INTS6L: variants seen among roughly 807,000 people sequenced by gnomAD.
The protein encoded by INTS6L is integrator complex subunit 6-like.
INTS6L carries 18 observed loss-of-function variants against 64.7 expected under a neutral mutation model. That is an observed-to-expected ratio of 0.28 (90% CI 0.19 to 0.41). The LOEUF is 0.41. Ranked by LOEUF, INTS6L falls within the 10% of genes least tolerant of loss-of-function variation. The probability of loss-of-function intolerance (pLI) is 1.00; values close to 1 mark genes in which losing one functional copy is unlikely to be tolerated. For synonymous variants in INTS6L, 227 were observed against 235.9 expected, an observed-to-expected ratio of 0.96 and a Z score of 0.34; for missense variants, 533 against 661.0, an observed-to-expected ratio of 0.81 and a Z score of 2.12.
chrX:135,521,162 T>G, intron 1 of INTS6L, 59 bp downstream of exon 1: 2 of 1,163,460 alleles, frequency 1.7e-6, no homozygotes, highest in African/African-American at 1.9e-5. Context: ...GGGTGTGGAT[T>G]GAGGTGCTTC....
chrX:135,532,055 G>T (rs1193896383), intron 2 of INTS6L, among the ~76,000 whole-genome samples: 2 of 112,054 alleles, frequency 1.8e-5, no homozygotes, highest in Admixed American at 1.9e-4. Context: ...ATGACCTTTC[G>T]TGTTTGATTA....
chrX:135,565,853 C>T (rs1399418937), intron 9 of INTS6L, among the ~76,000 whole-genome samples: 2 of 111,685 alleles, frequency 1.8e-5, no homozygotes, highest in Non-Finnish European at 3.8e-5. Context: ...GGGTCCATGC[C>T]AATCTTGACT....
intron 2 of INTS6L, among the ~76,000 whole-genome samples, chrX:135,537,041 C>T (rs1337045432): frequency 3.6e-5 from 4 of 112,237 alleles, no homozygotes; most frequent in African/African-American, 1.3e-4. Context: ...AGCAACAGGC[C>T]TGCAGAGAGC....
At chrX:135,526,574 C>T (rs1183966666) in intron 2 of INTS6L, among the ~76,000 whole-genome samples, 2 of 111,961 alleles carry the variant, frequency 1.8e-5, no homozygotes, top group Non-Finnish European at 3.8e-5. Context: ...TTTTGTCCGT[C>T]GGCTTTTTCC....
chrX:135,575,032 G>A, intron 13 of INTS6L, 52 bp from the exon 14 acceptor site: 1 of 1,181,922 alleles, frequency 8.5e-7, no homozygotes, highest in Admixed American at 2.3e-5. Context: ...CTTCTCGAAA[G>A]GACCATACGC....
At position 135,581,917 on chromosome X, in the gene INTS6L, A is replaced by C; in HGVS notation, c.*281A>C. The C allele has an allele frequency of 4.3e-6, 1 of 234,765 alleles. No individual in the cohort carries two copies. The highest frequency in any genetic ancestry group is 1.1e-4 in the East Asian group (1 of 8,722). The allele number at this position is 234,765 out of a possible 1,213,427, so 19.3% of individuals were successfully genotyped here. A position where few individuals can be genotyped will look rare whatever the true frequency, so the allele number is the denominator to read the frequency against. On this transcript the variant is annotated 3_prime_UTR_variant, in exon 18 of 18. Transcript: ENST00000639893. The stretch of plus-strand genomic sequence containing the variant: ...TTCGGTAAACACCACTGCCCCTACC[A>C]CGGGTAATGAGAGGTCACTCACTTG...
rs944670442 is a variant in INTS6L at position 135,582,471 on chromosome X, A to G, written c.*835A>G. 3 of 112,732 alleles carry G rather than the reference A, an allele frequency of 2.7e-5. No homozygotes were observed. Among genetic ancestry groups the G allele is most frequent in the Non-Finnish European group, 3.7e-5 (2 of 53,390 alleles). 9.3% of individuals were successfully genotyped at this position (112,732 alleles called of 1,213,427 possible). On this transcript the variant is annotated 3_prime_UTR_variant, in exon 18 of 18. Coordinates refer to ENST00000639893, the MANE Select transcript of INTS6L (RefSeq NM_001351601.3). ...GTGTACAAAGAGATTTTGATTTTGC[A>G]TATATAAAATAAATCATTTTATTGA...
chrX:135,532,316 G>C (rs2085932855), intron 2 of INTS6L, among the ~76,000 whole-genome samples: 1 of 112,526 alleles, frequency 8.9e-6, no homozygotes, highest in Non-Finnish European at 1.9e-5. Flanking sequence ...GCAGAGCAAA[G>C]CTCTCCACTT....
At chrX:135,539,954 C>T (rs1184613961) in intron 2 of INTS6L, among the ~76,000 whole-genome samples, 2 of 111,354 alleles carry the variant, frequency 1.8e-5, no homozygotes, top group African/African-American at 6.6e-5. Context: ...CATAGATCAC[C>T]ATAAAAGATA....
intron 13 of INTS6L, 64 bp from the exon 14 acceptor site, chrX:135,575,020 G>A (rs1556530056): frequency 4.4e-6 from 5 of 1,141,509 alleles, no homozygotes; most frequent in Non-Finnish European, 5.9e-6. Flanking sequence ...CTATGATCAT[G>A]TCTTCTCGAA....
At chrX:135,523,402 C>CAAAAAAAAA (rs782434658) in intron 2 of INTS6L, among the ~76,000 whole-genome samples, 1 of 36,968 alleles carries the variant, frequency 2.7e-5, no homozygotes, top group African/African-American at 1.2e-4. Flanking sequence ...ACTCTGTCGT[C>CAAAAAAAAA]AAAAAAAAAA....
intron 9 of INTS6L, among the ~76,000 whole-genome samples, chrX:135,560,937 C>CTTTTTTTTTTTTTTTTTTTTTTTTT (rs148244479): frequency 1.1e-5 from 1 of 87,462 alleles, no homozygotes; most frequent in Non-Finnish European, 2.2e-5. Context: ...AATGCTCTTT[C>CTTTTTTTTTTTTTTTTTTTTTTTTT]TTTTTTTTTT....
chrX:135,551,295 A>G (rs1556516909), intron 7 of INTS6L, among the ~76,000 whole-genome samples: 2 of 111,703 alleles, frequency 1.8e-5, no homozygotes, highest in African/African-American at 6.5e-5. Flanking sequence ...GTGCTCTCCA[A>G]TCACACAAGC....
At chrX:135,527,174 T>C (rs2085762831) in intron 2 of INTS6L, among the ~76,000 whole-genome samples, 1 of 112,063 alleles carries the variant, frequency 8.9e-6, no homozygotes, top group Non-Finnish European at 1.9e-5. Flanking sequence ...CTTTCTGCAA[T>C]CCATCTCTCC....
rs2085538369 is a variant in INTS6L at position 135,521,261 on chromosome X, C to G, written c.132C>G (p.Ala44=). ...CGCAGCTGCGCGCCCGGGACCCGGC[C>G]AGCCGTGGAGACAGGTACATGCTGG... ...LFLKLRARDP[A]SRGDRYMLVT... Residue 44 remains alanine, a synonymous_variant, in exon 2 of 18, where the codon GCC becomes GCG. Transcript: ENST00000639893. The G allele has an allele frequency of 5.0e-6, 6 of 1,208,920 alleles. No homozygotes were observed. Among genetic ancestry groups the G allele is most frequent in the Non-Finnish European group, 6.7e-6 (6 of 894,205 alleles).
At chrX:135,541,382 C>T (rs1398646450) in intron 2 of INTS6L, among the ~76,000 whole-genome samples, 4 of 112,393 alleles carry the variant, frequency 3.6e-5, no homozygotes, top group African/African-American at 1.3e-4. Flanking sequence ...ATATCCAAGA[C>T]ATTATCATTT....
intron 6 of INTS6L, among the ~76,000 whole-genome samples, chrX:135,548,066 T>TATATAC (rs1410108879): frequency 1.4e-5 from 1 of 73,505 alleles, no homozygotes; most frequent in African/African-American, 4.5e-5. Flanking sequence ...TATATATATA[T>TATATAC]ACACACACAC....
At chrX:135,551,333 A>G (rs2086498215) in intron 7 of INTS6L, among the ~76,000 whole-genome samples, 1 of 111,747 alleles carries the variant, frequency 8.9e-6, no homozygotes, top group Non-Finnish European at 1.9e-5. Context: ...TGGCTTCTCC[A>G]TTAATCTGCT....
At chrX:135,536,156 C>G (rs997403703) in intron 2 of INTS6L, among the ~76,000 whole-genome samples, 9 of 111,946 alleles carry the variant, frequency 8.0e-5, no homozygotes, top group African/African-American at 2.9e-4. Context: ...AGCCTCCCAG[C>G]AAGAAGTTTT....
Sources: gnomAD v4.1 joint callset for allele counts (sites outside exome capture counted in the v4.1 genomes callset) on GRCh38, gnomAD v4.1.1 for gene constraint, MANE v1.5 for transcripts, NCBI Gene and HGNC (gene_info 2026-07-23, HGNC 2026-07-21) for gene names.